The following PLA2G2D variants were observed in gnomAD, a reference collection of about 807,000 sequenced individuals.
The protein encoded by PLA2G2D is group IID secretory phospholipase A2.
Under a neutral mutation model 13.9 loss-of-function variants are expected in PLA2G2D, and 17 were observed. The ratio of observed to expected loss-of-function variants is 1.23; its 90% CI spans 0.84 to 1.84. PLA2G2D has a LOEUF of 1.84. Among genes scored for constraint, PLA2G2D ranks in the 40% most tolerant of loss-of-function variants. PLA2G2D has a pLI of 0.00. For synonymous variants in PLA2G2D, 83 were observed against 69.3 expected, an observed-to-expected ratio of 1.20 and a Z score of -0.98; for missense variants, 194 against 178.7, an observed-to-expected ratio of 1.09 and a Z score of -0.49.
In PLA2G2D at chr1:20,116,362, G is replaced by C. The variant is rs765244574; in HGVS notation, c.156C>G (p.Gly52=). 2 of 1,614,196 alleles carry C rather than the reference G, an allele frequency of 1.2e-6. No individual in the cohort carries two copies. The highest frequency in any genetic ancestry group is 2.2e-5 in the South Asian group (2 of 91,084). The change falls in exon 2 of 4, where the codon GGC becomes GGG. Residue 52 remains glycine, a synonymous_variant. Transcript: ENST00000375105. The stretch of plus-strand genomic sequence containing the variant: ...CCGTGGCATCTTTGGGTTGGCCTCT[G>C]CCACCTAGTCCGCAGTGACAGCCGT... ...WPYGCHCGLG[G]RGQPKDATDW...
chr1:20,113,776 A>C lies in PLA2G2D; in HGVS notation c.*338T>G. The C allele has an allele frequency of 3.9e-6, 1 of 257,792 alleles. No individual in the cohort carries two copies. The highest frequency in any genetic ancestry group is 7.4e-6 in the Non-Finnish European group (1 of 134,650). 16.0% of individuals were successfully genotyped at this position (257,792 alleles called of 1,614,324 possible). A position where few individuals can be genotyped will look rare whatever the true frequency, so the allele number is the denominator to read the frequency against. ...CTGCTGCGGTTGTAGCTCCGAGACT[A>C]TATTGGAGGGGGTGAGGAAGGACAA... On this transcript the variant is annotated 3_prime_UTR_variant, in exon 4 of 4. Coordinates refer to ENST00000375105, the MANE Select transcript of PLA2G2D (RefSeq NM_012400.4).
rs200435430 is a variant in PLA2G2D, at chr1:20,119,457, A to C, written c.40+2T>G. 1.6e-4 allele frequency: 263 copies of C among 1,613,348 alleles called. 1 individual carries two copies. In the East Asian group the frequency reaches 2.9e-3, roughly 18 times the overall value. The stretch of plus-strand genomic sequence containing the variant: ...CCAGCCTGGGTCCCGTCCCCGACTC[A>C]CCAGCCATCACCACCAGCCCACACA... On this transcript the variant is annotated splice_donor_variant, in intron 1 of 3. Coordinates refer to ENST00000375105, the MANE Select transcript of PLA2G2D (RefSeq NM_012400.4). LOFTEE classifies it high-confidence loss of function.
In PLA2G2D at chr1:20,114,137, G is replaced by A. The variant is rs575656652; in HGVS notation, c.415C>T (p.Arg139Trp). ...RLRFYWRPHC[R>W]GQTPGC ...TTCTAGCACCCAGGGGTCTGCCCCC[G>A]GCAGTGGGGCCGCCAGTAGAAACGC... The change falls in exon 4 of 4, where the codon CGG becomes TGG. Residue 139 changes from arginine (R) to tryptophan (W), a missense_variant. Physicochemically the swap from Arg to Trp is moderately radical, Grantham distance 101. Transcript: ENST00000375105. 5.0e-6 allele frequency: 8 copies of A among 1,613,570 alleles called. No homozygotes were observed. The highest frequency in any genetic ancestry group is 2.2e-5 in the East Asian group (1 of 44,866).
rs969532143 is a variant in PLA2G2D at position 20,113,953 on chromosome 1, C to T, written c.*161G>A. On this transcript the variant is annotated 3_prime_UTR_variant, in exon 4 of 4. Transcript: ENST00000375105. ...AGCTACTGCCTCAACTGGGAGGATT[C>T]GGAAAGCTTCAGAAGGTCAGAAGGC... is the stretch of plus-strand genomic sequence containing the variant. The T allele has an allele frequency of 1.9e-5, 11 of 574,766 alleles. No individual in the cohort carries two copies. The highest frequency in any genetic ancestry group is 7.9e-5 in the South Asian group (3 of 37,840). 35.6% of individuals were successfully genotyped at this position (574,766 alleles called of 1,614,324 possible).
rs1487602126 is a variant in PLA2G2D, at chr1:20,116,441, T to A, written c.77A>T (p.Asn26Ile). Residue 26 changes from asparagine to isoleucine, a missense_variant, in exon 2 of 4, where the codon AAC becomes ATC. Coordinates refer to ENST00000375105, the MANE Select transcript of PLA2G2D (RefSeq NM_012400.4). ...IPIQGGILNL[N>I]KMVKQVTGKM... is the part of the protein sequence containing the mutation. ...CCCAGTCACTTGCTTGACCATCTTG[T>A]TCAGGTTCAGGATCCCGCCCTGGAT... 6.2e-7 allele frequency: 1 copy of A among 1,614,134 alleles called. No homozygotes were observed. The highest frequency in any genetic ancestry group is 1.7e-5 in the Admixed American group (1 of 60,020).
In PLA2G2D at chr1:20,119,502, C is replaced by T. The variant is rs2017050906; in HGVS notation, c.-4G>A. 6.2e-7 allele frequency: 1 copy of T among 1,613,900 alleles called. No homozygotes were observed. The highest frequency in any genetic ancestry group is 8.5e-7 in the Non-Finnish European group (1 of 1,179,858). The stretch of plus-strand genomic sequence containing the variant: ...CACACAGCAGTGCAAGTTCCATGAT[C>T]CCAGCACAGAGCAGTGGAGGCAGAT... On this transcript the variant is annotated 5_prime_UTR_variant, in exon 1 of 4. Coordinates refer to ENST00000375105, the MANE Select transcript of PLA2G2D (RefSeq NM_012400.4).
At chr1:20,116,501 G>C in intron 1 of PLA2G2D, 24 bp from the exon 2 acceptor site, 1 of 1,613,866 alleles carries the variant, frequency 6.2e-7, no homozygotes, top group African/African-American at 1.3e-5. Context: ...CAGCAACCAG[G>C]AGAGAAGAGG....
At position 20,114,205 on chromosome 1, in the gene PLA2G2D, G is replaced by T; in HGVS notation, c.347C>A (p.Ala116Asp). 2 of 1,614,062 alleles carry T rather than the reference G, an allele frequency of 1.2e-6. No homozygotes were observed. The highest frequency in any genetic ancestry group is 2.2e-5 in the East Asian group (1 of 44,878). ...GTCCAGGTTGCGCTTCAGGCAGAAGGCCACCTCCTTGTCACAGGCACACAG... is the reference window on the plus strand; with the variant it reads ...GTCCAGGTTGCGCTTCAGGCAGAAGTCCACCTCCTTGTCACAGGCACACAG... The part of the protein sequence containing the change: ...QQLCACDKEV[A>D]FCLKRNLDTY... The change falls in exon 4 of 4, where the codon GCC becomes GAC. Residue 116 changes from alanine to aspartate, a missense_variant. Transcript: ENST00000375105.
Position 20,115,548 on chromosome 1 carries a change from T to C in PLA2G2D, c.251A>G (p.Asp84Gly). The change falls in exon 3 of 4, where the codon GAC (aspartate) becomes GGC (glycine). Residue 84 changes from aspartate to glycine, a missense_variant. Coordinates refer to ENST00000375105, the MANE Select transcript of PLA2G2D (RefSeq NM_012400.4). ...CTGGGAAAAGTTGTATCTGTAATAGTCCTTGTAGATGCTGCACCCCTGGGT... is the reference window on the plus strand; with the variant it reads ...CTGGGAAAAGTTGTATCTGTAATAGCCCTTGTAGATGCTGCACCCCTGGGT... ...LKTQGCSIYK[D>G]YYRYNFSQGN... is the part of the protein sequence containing the mutation. The C allele has an allele frequency of 6.2e-7, 1 of 1,612,204 alleles. No individual in the cohort carries two copies. The highest frequency in any genetic ancestry group is 8.5e-7 in the Non-Finnish European group (1 of 1,178,298).
chr1:20,114,974 T>C (rs62541895), intron 3 of PLA2G2D, among the ~76,000 whole-genome samples: 1,789 of 152,240 alleles, frequency 0.012, 31 homozygotes, highest in African/African-American at 0.041. Context: ...GGAAAGGATG[T>C]AGGGGCCAGG....
chr1:20,115,614 C>T lies in PLA2G2D; in HGVS notation c.186-1G>A. On this transcript the variant is annotated splice_acceptor_variant, in intron 2 of 3. Transcript: ENST00000375105. LOFTEE classifies it high-confidence loss of function. Reference sequence around the variant, plus strand: ...GCAGCAGTCATGGGTCTGGCAGCACCTGGAGCAGACAGGGTGCACAGCTGC... The same window carrying T: ...GCAGCAGTCATGGGTCTGGCAGCACTTGGAGCAGACAGGGTGCACAGCTGC... 1 of 1,595,720 alleles carries T rather than the reference C, an allele frequency of 6.3e-7. No homozygotes were observed. Among genetic ancestry groups the T allele is most frequent in the Non-Finnish European group, 8.6e-7 (1 of 1,163,488 alleles).
intron 2 of PLA2G2D, 48 bp from the exon 3 acceptor site, chr1:20,115,661 G>A: frequency 8.4e-7 from 1 of 1,193,316 alleles, no homozygotes; most frequent in South Asian, 1.2e-5. Context: ...GCCTACTGGG[G>A]TCTCTGGCTG....
intron 1 of PLA2G2D, among the ~76,000 whole-genome samples, chr1:20,117,256 G>A (rs2017008141): frequency 6.6e-6 from 1 of 152,108 alleles, no homozygotes; most frequent in African/African-American, 2.4e-5. Context: ...TCAGTAACTT[G>A]CTCAGAGTCT....
At position 20,112,518 on chromosome 1, in the gene PLA2G2D, G is replaced by A. The variant is rs1165816545; in HGVS notation, c.*1596C>T. 1.3e-5 allele frequency: 2 copies of A among 152,080 alleles called. No homozygotes were observed. Among genetic ancestry groups the A allele is most frequent in the Admixed American group, 1.3e-4 (2 of 15,266 alleles). The allele number at this position is 152,080 out of a possible 1,614,324, so 9.4% of individuals were successfully genotyped here. On this transcript the variant is annotated 3_prime_UTR_variant, in exon 4 of 4. Coordinates refer to ENST00000375105, the MANE Select transcript of PLA2G2D (RefSeq NM_012400.4). The stretch of plus-strand genomic sequence containing the variant: ...AGATGGTGCCACAGGCCCAGAGTGT[G>A]GGTGACTGCAGGTGCCTCAGCCCCC...
In PLA2G2D at chr1:20,115,569, T is replaced by C; in HGVS notation, c.230A>G (p.Gln77Arg). Residue 77 changes from glutamine to arginine, a missense_variant, in exon 3 of 4, where the codon CAG becomes CGG. Coordinates refer to ENST00000375105, the MANE Select transcript of PLA2G2D (RefSeq NM_012400.4). ...HDCCYDHLKT[Q>R]GCSIYKDYYR... ...ATAGTCCTTGTAGATGCTGCACCCCTGGGTCTTCAGGTGGTCATAGCAGCA... is the reference window on the plus strand; with the variant it reads ...ATAGTCCTTGTAGATGCTGCACCCCCGGGTCTTCAGGTGGTCATAGCAGCA... 6.2e-7 allele frequency: 1 copy of C among 1,613,056 alleles called. No homozygotes were observed. Among genetic ancestry groups the C allele is most frequent in the Non-Finnish European group, 8.5e-7 (1 of 1,179,056 alleles).
At chr1:20,115,792 C>A (rs1210597835) in intron 2 of PLA2G2D, among the ~76,000 whole-genome samples, 179 bp from the exon 3 acceptor site, 2 of 152,234 alleles carry the variant, frequency 1.3e-5, no homozygotes, top group East Asian at 3.8e-4. Flanking sequence ...GCACTAGACA[C>A]TTGCTTTATC....
At position 20,116,373 on chromosome 1, in the gene PLA2G2D, C is replaced by G. The variant is rs145752858; in HGVS notation, c.145G>C (p.Gly49Arg). 1 of 1,614,188 alleles carries G rather than the reference C, an allele frequency of 6.2e-7. No individual in the cohort carries two copies. The highest frequency in any genetic ancestry group is 1.1e-5 in the South Asian group (1 of 91,080). ...LSYWPYGCHC[G>R]LGGRGQPKDA... is the part of the protein sequence containing the mutation. ...TTGGGTTGGCCTCTGCCACCTAGTCCGCAGTGACAGCCGTAGGGCCAGTAG... is the reference window on the plus strand; with the variant it reads ...TTGGGTTGGCCTCTGCCACCTAGTCGGCAGTGACAGCCGTAGGGCCAGTAG... The change falls in exon 2 of 4, where the codon GGA (glycine) becomes CGA (arginine). Residue 49 changes from glycine (G) to arginine (R), a missense_variant. Coordinates refer to ENST00000375105, the MANE Select transcript of PLA2G2D (RefSeq NM_012400.4).
chr1:20,115,694 C>T (rs983389557), intron 2 of PLA2G2D, 81 bp from the exon 3 acceptor site: 3 of 867,794 alleles, frequency 3.5e-6, no homozygotes, highest in Admixed American at 1.7e-5. Flanking sequence ...GAGAAGAACC[C>T]GTGTCCCCAC....
chr1:20,114,360 G>A (rs1318781157), intron 3 of PLA2G2D, 101 bp from the exon 4 acceptor site: 10 of 1,263,554 alleles, frequency 7.9e-6, no homozygotes, highest in Admixed American at 2.4e-5. Context: ...CTACTCAGTC[G>A]TAGAGGTACC....
Sources: gnomAD v4.1 joint callset for allele counts (sites outside exome capture counted in the v4.1 genomes callset) on GRCh38, gnomAD v4.1.1 for gene constraint, MANE v1.5 for transcripts, NCBI Gene and HGNC (gene_info 2026-07-23, HGNC 2026-07-21) for gene names.